The following ADARB2 variants were observed in gnomAD, a reference collection of about 807,000 sequenced individuals.
ADARB2 encodes the protein inactive double-stranded RNA-specific editase B2.
ADARB2 carries 25 observed loss-of-function variants against 62.2 expected under a neutral mutation model. The observed-to-expected ratio is 0.40, with a 90% CI of 0.29 to 0.56. The LOEUF is 0.56. Among genes scored for constraint, ADARB2 ranks in the 20% least tolerant of loss-of-function variants. The probability of loss-of-function intolerance (pLI) is 0.43; values close to 1 mark genes in which losing one functional copy is unlikely to be tolerated. For synonymous variants in ADARB2, 572 were observed against 500.8 expected (o/e 1.14, Z -1.90); for missense variants, 1,071 against 1,077.4 (o/e 0.99, Z 0.08).
intron 6 of ADARB2, among the ~76,000 whole-genome samples, chr10:1,225,731 T>TA (rs1830738975): frequency 1.4e-5 from 2 of 144,868 alleles, no homozygotes; most frequent in Non-Finnish European, 3.1e-5. Flanking sequence ...GAATGTCGAA[T>TA]GTTGGTCCCC....
chr10:1,404,829 T>C (rs950044870), intron 1 of ADARB2, among the ~76,000 whole-genome samples: 1 of 152,184 alleles, frequency 6.6e-6, no homozygotes, highest in African/African-American at 2.4e-5. Context: ...TGGAACAGAA[T>C]ATATTAGGAG....
rs539759983 is a variant in ADARB2, at chr10:1,533,486, C to T, written c.101-154326G>A. 2.6e-4 allele frequency among the ~76,000 whole-genome samples: 39 copies of T among 152,176 alleles called. 1 individual carries two copies. In the South Asian group the frequency reaches 8.1e-3, roughly 32 times the overall value. On this transcript the variant is annotated intron_variant, in intron 1 of 9. Coordinates refer to ENST00000381312, the MANE Select transcript of ADARB2 (RefSeq NM_018702.4). ...CCTGAGAGGTGTGACCCTGGCATTG[C>T]CACGTGCGAGTCCCCCTAGGAAACC...
At chr10:1,735,148 G>C (rs1835285690) in intron 1 of ADARB2, among the ~76,000 whole-genome samples, 1 of 152,196 alleles carries the variant, frequency 6.6e-6, no homozygotes, top group Non-Finnish European at 1.5e-5. Context: ...CTTCGTAACA[G>C]AAATCAGTGT....
chr10:1,540,385 T>C (rs1832401264), intron 1 of ADARB2, among the ~76,000 whole-genome samples: 1 of 138,884 alleles, frequency 7.2e-6, no homozygotes, highest in African/African-American at 2.6e-5. Context: ...CAAGGAATGT[T>C]CCAGGGCACG....
At chr10:1,244,370 A>G (rs2131778659) in intron 4 of ADARB2, among the ~76,000 whole-genome samples, 1 of 152,376 alleles carries the variant, frequency 6.6e-6, no homozygotes, top group African/African-American at 2.4e-5. Flanking sequence ...GTGCGCATGC[A>G]GTCTCTGGTG....
At chr10:1,452,324 G>T (rs933560251) in intron 1 of ADARB2, among the ~76,000 whole-genome samples, 7 of 152,122 alleles carry the variant, frequency 4.6e-5, no homozygotes, top group African/African-American at 1.7e-4. Context: ...TTGAATAATT[G>T]TGGGAAAAAT....
chr10:1,634,301 A>T (rs1438169197), intron 1 of ADARB2, among the ~76,000 whole-genome samples: 1 of 152,206 alleles, frequency 6.6e-6, no homozygotes, highest in African/African-American at 2.4e-5. Context: ...GACACAGCAC[A>T]CAGAGGTGAT....
intron 1 of ADARB2, among the ~76,000 whole-genome samples, chr10:1,424,047 G>T (rs1042842087): frequency 2.0e-5 from 3 of 152,168 alleles, no homozygotes; most frequent in Non-Finnish European, 2.9e-5. Flanking sequence ...TATGCAGTAG[G>T]TCTACTATGT....
intron 3 of ADARB2, among the ~76,000 whole-genome samples, chr10:1,342,557 G>A (rs1690219412): frequency 6.6e-6 from 1 of 152,226 alleles, no homozygotes; most frequent in Admixed American, 6.5e-5. Flanking sequence ...ACCCATGGGA[G>A]GAGAGTACCC....
At chr10:1,654,102 C>T (rs1415408938) in intron 1 of ADARB2, among the ~76,000 whole-genome samples, 1 of 152,160 alleles carries the variant, frequency 6.6e-6, no homozygotes, top group South Asian at 2.1e-4. Flanking sequence ...ACGCCTGCTC[C>T]TTCCCCATCA....
intron 1 of ADARB2, among the ~76,000 whole-genome samples, chr10:1,696,047 C>T (rs1043019116): frequency 2.0e-5 from 3 of 152,018 alleles, no homozygotes; most frequent in African/African-American, 7.2e-5. Context: ...TGCACATATA[C>T]ATGCACACAC....
chr10:1,579,221 G>A (rs1833062743), intron 1 of ADARB2, among the ~76,000 whole-genome samples: 1 of 152,128 alleles, frequency 6.6e-6, no homozygotes, highest in Non-Finnish European at 1.5e-5. Flanking sequence ...CCTGTTCGAG[G>A]GCAAATACAC....
rs544844994 is a variant in ADARB2, at chr10:1,666,575, C to A, written c.100+70476G>T. Among the ~76,000 whole-genome samples the A allele has an allele frequency of 5.3e-5, 8 of 152,340 alleles. No individual in the cohort carries two copies. The East Asian group carries it at 1.5e-3, about 29-fold the overall frequency. The stretch of plus-strand genomic sequence containing the variant: ...CCATGGTCTGCCGCATCTGGGGTAT[C>A]CAGCGTCCTCCTGCAGCCGAGGGGG... On this transcript the variant is annotated intron_variant, in intron 1 of 9. Transcript: ENST00000381312.
chr10:1,316,930 A>G (rs1179997167), intron 3 of ADARB2, among the ~76,000 whole-genome samples: 1 of 152,226 alleles, frequency 6.6e-6, no homozygotes, highest in African/African-American at 2.4e-5. Context: ...GTGTCTGTGC[A>G]TGCTTGTATG....
At chr10:1,633,559 T>TCTAA (rs1491032937) in intron 1 of ADARB2, among the ~76,000 whole-genome samples, 42 of 134,652 alleles carry the variant, frequency 3.1e-4, no homozygotes, top group African/African-American at 1.1e-3. Context: ...CATCTATCTA[T>TCTAA]CTATCTATCT....
intron 1 of ADARB2, among the ~76,000 whole-genome samples, chr10:1,717,415 C>T (rs1034440372): frequency 2.6e-5 from 4 of 151,772 alleles, no homozygotes; most frequent in Non-Finnish European, 5.9e-5. Flanking sequence ...TCAGACGGGT[C>T]CTCACTCTCA....
intron 1 of ADARB2, among the ~76,000 whole-genome samples, chr10:1,679,091 C>T (rs1488366518): frequency 6.6e-6 from 1 of 152,180 alleles, no homozygotes; most frequent in Non-Finnish European, 1.5e-5. Flanking sequence ...GCCCCATTTC[C>T]AGAGAGGCAG....
At chr10:1,425,538 A>G (rs1204835897) in intron 1 of ADARB2, among the ~76,000 whole-genome samples, 2 of 152,176 alleles carry the variant, frequency 1.3e-5, no homozygotes, top group Non-Finnish European at 2.9e-5. Flanking sequence ...GCATACTCCC[A>G]GTCCTCTGTC....
chr10:1,486,906 T>A (rs889118623), intron 1 of ADARB2, among the ~76,000 whole-genome samples: 8 of 152,216 alleles, frequency 5.3e-5, no homozygotes, highest in Non-Finnish European at 1.0e-4. Context: ...TACATGTAAC[T>A]GGTTTAGGGT....
Sources: allele counts gnomAD v4.1 joint callset (sites outside exome capture counted in the v4.1 genomes callset), GRCh38; gene constraint gnomAD v4.1.1; transcripts MANE v1.5; gene names NCBI Gene and HGNC (gene_info 2026-07-23, HGNC 2026-07-21).